ADGRV1: variants seen among roughly 807,000 people sequenced by gnomAD.
ADGRV1 encodes adhesion G protein-coupled receptor V1.
ADGRV1 carries 359 observed loss-of-function variants against 596.2 expected under a neutral mutation model. The observed-to-expected ratio is 0.60, with a 90% CI of 0.55 to 0.66. The LOEUF is 0.66. Ranked by LOEUF, ADGRV1 falls within the 30% of genes least tolerant of loss-of-function variation. ADGRV1 has a pLI of 0.00. For synonymous variants in ADGRV1, 2,681 were observed against 2,679.2 expected, an observed-to-expected ratio of 1.00 and a Z score of -0.02; for missense variants, 7,274 against 7,575.6, an observed-to-expected ratio of 0.96 and a Z score of 1.48.
intron 87 of ADGRV1, among the ~76,000 whole-genome samples, chr5:91,111,469 A>G (rs1010107273): frequency 1.3e-5 from 2 of 152,178 alleles, no homozygotes; most frequent in African/African-American, 4.8e-5. Context: ...TCCCCCTTCA[A>G]TTCCCACTTA....
intron 65 of ADGRV1, among the ~76,000 whole-genome samples, chr5:90,782,778 C>T (rs1362432288): frequency 6.6e-6 from 1 of 152,048 alleles, no homozygotes; most frequent in African/African-American, 2.4e-5. Context: ...CCTATGAGCA[C>T]AAACAACTTA....
chr5:90,629,652 T>C, intron 9 of ADGRV1, 113 bp downstream of exon 9: 1 of 791,890 alleles, frequency 1.3e-6, no homozygotes, highest in East Asian at 2.6e-5. Context: ...GTCATTTATA[T>C]GTTGTTACTA....
chr5:90,662,589 T>G (rs983062258), intron 21 of ADGRV1, among the ~76,000 whole-genome samples: 4 of 149,094 alleles, frequency 2.7e-5, no homozygotes, highest in Non-Finnish European at 6.0e-5. Context: ...ATCCTGGTAG[T>G]TTTTTTTTTC....
intron 83 of ADGRV1, among the ~76,000 whole-genome samples, chr5:90,901,564 C>T (rs1004514613): frequency 9.2e-5 from 14 of 152,068 alleles, no homozygotes; most frequent in Non-Finnish European, 1.9e-4. Flanking sequence ...TTTGTAATTC[C>T]TGTGCATGTT....
intron 54 of ADGRV1, among the ~76,000 whole-genome samples, chr5:90,754,458 A>G (rs956408609): frequency 1.3e-5 from 2 of 152,202 alleles, no homozygotes; most frequent in Non-Finnish European, 2.9e-5. Flanking sequence ...TGGGTCTTTA[A>G]TATGGCAAAT....
At chr5:90,615,420 C>T (rs1763246249) in intron 2 of ADGRV1, among the ~76,000 whole-genome samples, 1 of 151,632 alleles carries the variant, frequency 6.6e-6, no homozygotes, top group Non-Finnish European at 1.5e-5. Context: ...TAGTTATGTC[C>T]AAGAGCTCTT....
In ADGRV1 at chr5:90,790,972, G is replaced by A. The variant is rs749976357; in HGVS notation, c.14143G>A (p.Asp4715Asn). 1.9e-6 allele frequency: 3 copies of A among 1,613,470 alleles called. No homozygotes were observed. The highest frequency in any genetic ancestry group is 1.1e-5 in the South Asian group (1 of 91,054). ...TGATGGAGAGAGTGAAGCTAGCTTTGATGTTCATTTGCTACCAGATGAGGT... is the reference window on the plus strand; with the variant it reads ...TGATGGAGAGAGTGAAGCTAGCTTTAATGTTCATTTGCTACCAGATGAGGT... ...IADGESEASF[D>N]VHLLPDEVPE... Residue 4715 changes from aspartate (D) to asparagine (N), a missense_variant, in exon 70 of 90, where the codon GAT (aspartate) becomes AAT (asparagine). Coordinates refer to ENST00000405460, the MANE Select transcript of ADGRV1 (RefSeq NM_032119.4).
At chr5:91,143,565 C>T (rs1294778652) in intron 87 of ADGRV1, among the ~76,000 whole-genome samples, 1 of 152,178 alleles carries the variant, frequency 6.6e-6, no homozygotes, top group Admixed American at 6.5e-5. Context: ...CAGGTCGTCC[C>T]ATCAAGTGCT....
At chr5:90,975,342 C>T (rs1478173796) in intron 84 of ADGRV1, among the ~76,000 whole-genome samples, 2 of 152,036 alleles carry the variant, frequency 1.3e-5, no homozygotes, top group African/African-American at 2.4e-5. Flanking sequence ...CCAGCCATCC[C>T]GTTACTGGGT....
intron 87 of ADGRV1, among the ~76,000 whole-genome samples, chr5:91,137,945 T>C (rs778724580): frequency 2.0e-5 from 3 of 152,242 alleles, no homozygotes; most frequent in African/African-American, 4.8e-5. Flanking sequence ...ATAAAGTTGC[T>C]AGTCCTGCTG....
rs570114155 is a variant in ADGRV1, at chr5:90,987,091, C to T, written c.18152+1569C>T. Among the ~76,000 whole-genome samples the T allele has an allele frequency of 2.6e-5, 4 of 152,272 alleles. No individual in the cohort carries two copies. In the South Asian group the frequency reaches 6.2e-4, roughly 24 times the overall value. Reference sequence around the variant, plus strand: ...TGAGCTTACTCAAAGTATTTGCCTTCTTAAGCTTTTGGTAAATGTTCTCTA... The same window carrying T: ...TGAGCTTACTCAAAGTATTTGCCTTTTTAAGCTTTTGGTAAATGTTCTCTA... On this transcript the variant is annotated intron_variant, in intron 85 of 89. Coordinates refer to ENST00000405460, the MANE Select transcript of ADGRV1 (RefSeq NM_032119.4).
intron 39 of ADGRV1, among the ~76,000 whole-genome samples, chr5:90,709,242 A>G (rs116033287): frequency 0.015 from 2,303 of 152,114 alleles, 63 homozygotes; most frequent in African/African-American, 0.053. Flanking sequence ...AAACTCTCAG[A>G]TGTTTTTATT....
intron 74 of ADGRV1, among the ~76,000 whole-genome samples, chr5:90,814,344 G>T (rs888349106): frequency 6.6e-6 from 1 of 152,154 alleles, no homozygotes; most frequent in Non-Finnish European, 1.5e-5. Flanking sequence ...GTGGTTTTCT[G>T]TTTCCTTAAC....
chr5:90,580,426 G>T (rs558614434), intron 1 of ADGRV1, among the ~76,000 whole-genome samples: 16 of 152,002 alleles, frequency 1.1e-4, no homozygotes, highest in African/African-American at 2.7e-4. Context: ...TCACTTTCAG[G>T]CACACTAATC....
intron 36 of ADGRV1, among the ~76,000 whole-genome samples, 188 bp downstream of exon 36, chr5:90,704,676 G>C (rs1748363795): frequency 6.6e-6 from 1 of 152,114 alleles, no homozygotes; most frequent in African/African-American, 2.4e-5. Context: ...TATAGACTAG[G>C]AAAGAAGCCC....
At chr5:90,766,709 G>C (rs1048589153) in intron 59 of ADGRV1, among the ~76,000 whole-genome samples, 4 of 152,156 alleles carry the variant, frequency 2.6e-5, no homozygotes, top group African/African-American at 9.7e-5. Context: ...CATGGAGTTG[G>C]TTTCTGTAAC....
intron 85 of ADGRV1, among the ~76,000 whole-genome samples, chr5:91,052,013 C>T (rs1233763391): frequency 6.6e-6 from 1 of 152,094 alleles, no homozygotes; most frequent in Non-Finnish European, 1.5e-5. Context: ...TTTATTTGAT[C>T]TGTATTTTGG....
At chr5:90,663,669 A>G (rs961409713) in intron 21 of ADGRV1, among the ~76,000 whole-genome samples, 3 of 152,124 alleles carry the variant, frequency 2.0e-5, no homozygotes, top group African/African-American at 4.8e-5. Context: ...TTGGTGTTTT[A>G]GACATGAAGT....
intron 82 of ADGRV1, among the ~76,000 whole-genome samples, chr5:90,856,172 A>G (rs899652937): frequency 1.3e-5 from 2 of 152,306 alleles, no homozygotes; most frequent in East Asian, 1.9e-4. Context: ...GATAATAGGT[A>G]AGGAAAGGCT....
Sources: gnomAD v4.1 joint callset for allele counts (sites outside exome capture counted in the v4.1 genomes callset) on GRCh38, gnomAD v4.1.1 for gene constraint, MANE v1.5 for transcripts, NCBI Gene and HGNC (gene_info 2026-07-23, HGNC 2026-07-21) for gene names.